The following RUFY3 variants were observed in gnomAD, a reference collection of about 807,000 sequenced individuals.
RUFY3 encodes the protein RUN and FYVE domain containing 3.
In RUFY3, 34 loss-of-function variants were observed where a neutral mutation model predicts 84.0. The ratio of observed to expected loss-of-function variants is 0.40; its 90% CI spans 0.31 to 0.54. The LOEUF (loss-of-function observed/expected upper bound fraction) is 0.54, where lower values mean the gene tolerates loss of function less well. Ranked by LOEUF, RUFY3 falls within the 20% of genes least tolerant of loss-of-function variation. The pLI is 0.39. For missense variants in RUFY3, 507 were observed against 736.8 expected (o/e 0.69, Z 3.61); for synonymous variants, 242 against 252.9 (o/e 0.96, Z 0.41).
chr4:70,797,208 G>A (rs1202000316), intron 14 of RUFY3, among the ~76,000 whole-genome samples: 2 of 152,174 alleles, frequency 1.3e-5, no homozygotes, highest in East Asian at 3.9e-4. Context: ...CTCCCAAAGT[G>A]CTAGGATGAC....
Position 70,804,394 on chromosome 4 carries a change from A to G in RUFY3, c.1697A>G (p.Gln566Arg). 6.2e-7 allele frequency: 1 copy of G among 1,614,086 alleles called. No homozygotes were observed. The highest frequency in any genetic ancestry group is 8.5e-7 in the Non-Finnish European group (1 of 1,179,970). Residue 566 changes from glutamine to arginine, a missense_variant, in exon 17 of 18, where the codon CAG becomes CGG. Physicochemically the swap from Gln to Arg is conservative, Grantham distance 43. Around this residue, in one of 4 missense-constraint regions of RUFY3, gnomAD observed 334 missense variants for 364.1 expected, o/e 0.92. Transcript: ENST00000381006. The stretch of plus-strand genomic sequence containing the variant: ...AAGCCACAGTTGTGTCAGCTATGCC[A>G]GGAAGACGGCAGCCTAACAAAGGTA... ...SEKPQLCQLC[Q>R]EDGSLTKNVC...
chr4:70,720,640 A>G (rs1169102343), upstream of RUFY3, among the ~76,000 whole-genome samples: 1 of 152,216 alleles, frequency 6.6e-6, no homozygotes, highest in Non-Finnish European at 1.5e-5. Context: ...GAAATTAGGT[A>G]AATCAAGATG....
chr4:70,718,969 C>A (rs1426357604), upstream of RUFY3, among the ~76,000 whole-genome samples: 1 of 152,216 alleles, frequency 6.6e-6, no homozygotes, highest in African/African-American at 2.4e-5. Context: ...CCTGCCTCAG[C>A]CTCCCACAGT....
chr4:70,792,349 G>A, intron 12 of RUFY3: 1 of 966,122 alleles, frequency 1.0e-6, no homozygotes. Flanking sequence ...TTCAGAATAG[G>A]AAGTAAATGA....
chr4:70,741,769 T>C, intron 1 of RUFY3: 1 of 1,013,774 alleles, frequency 9.9e-7, no homozygotes, highest in Middle Eastern at 2.1e-4. Flanking sequence ...TAAGAGGAAA[T>C]GTCAGCTTTA....
chr4:70,780,470 T>G (rs1453699350), intron 8 of RUFY3, among the ~76,000 whole-genome samples: 1 of 152,116 alleles, frequency 6.6e-6, no homozygotes, highest in African/African-American at 2.4e-5. Flanking sequence ...ATATTTGTAT[T>G]TTTATAGAAA....
At chr4:70,792,938 T>C in intron 12 of RUFY3, 1 of 985,274 alleles carries the variant, frequency 1.0e-6, no homozygotes, top group Non-Finnish European at 1.2e-6. Flanking sequence ...GGTTGCCTTT[T>C]CTACGAGCAT....
intron 1 of RUFY3, among the ~76,000 whole-genome samples, chr4:70,738,652 G>A (rs1027266561): frequency 1.1e-4 from 16 of 151,332 alleles, no homozygotes; most frequent in Admixed American, 6.6e-5. Flanking sequence ...GTGAGCCACC[G>A]TGCCCAGCCA....
Position 70,807,475 on chromosome 4 carries a change from A to T in RUFY3, c.*816A>T, listed in dbSNP as rs962949133. Reference sequence around the variant, plus strand: ...TTTAAAAATAGGGTTTGGCTTTTGCAAATAGAAGATATTGATTAAAGCAAA... The same window carrying T: ...TTTAAAAATAGGGTTTGGCTTTTGCTAATAGAAGATATTGATTAAAGCAAA... On this transcript the variant is annotated 3_prime_UTR_variant, in exon 18 of 18. Coordinates refer to ENST00000381006, the MANE Select transcript of RUFY3 (RefSeq NM_001037442.4). Among the ~76,000 whole-genome samples, 1 of 152,186 alleles carries T rather than the reference A, an allele frequency of 6.6e-6. No individual in the cohort carries two copies. Among genetic ancestry groups the T allele is most frequent in the Non-Finnish European group, 1.5e-5 (1 of 68,024 alleles).
chr4:70,800,885 T>TA (rs888986570), intron 15 of RUFY3, among the ~76,000 whole-genome samples: 29 of 148,958 alleles, frequency 1.9e-4, no homozygotes, highest in African/African-American at 3.2e-4. Flanking sequence ...CTGTCTCAAA[T>TA]AAAAAAAAAA....
In RUFY3 at chr4:70,771,021, T is replaced by C. The variant is rs139196656; in HGVS notation, c.696+2360T>C. 4.4e-3 allele frequency among the ~76,000 whole-genome samples: 674 copies of C among 152,144 alleles called. 9 individuals carry two copies. The highest frequency in any genetic ancestry group is 0.015 in the African/African-American group (642 of 41,494). On this transcript the variant is annotated intron_variant, in intron 5 of 17. Transcript: ENST00000381006. ...AGTAGAGCAGTGAGAACATACACAT[T>C]TATGGATTGCTTGCCATCTTATATG...
At chr4:70,780,985 C>T (rs1366016908) in intron 8 of RUFY3, among the ~76,000 whole-genome samples, 1 of 151,644 alleles carries the variant, frequency 6.6e-6, no homozygotes, top group Non-Finnish European at 1.5e-5. Flanking sequence ...CACAGTGGCT[C>T]ATGCCTGTAA....
chr4:70,753,753 T>A (rs1230764999), intron 1 of RUFY3, among the ~76,000 whole-genome samples: 1 of 152,224 alleles, frequency 6.6e-6, no homozygotes, highest in African/African-American at 2.4e-5. Context: ...TCCAGGTATA[T>A]TAATATGTCT....
chr4:70,786,132 A>C (rs544210104), intron 10 of RUFY3, among the ~76,000 whole-genome samples: 1 of 152,342 alleles, frequency 6.6e-6, no homozygotes, highest in Non-Finnish European at 1.5e-5. Context: ...CATTATGTGA[A>C]GTGTAGTAAG....
intron 1 of RUFY3, among the ~76,000 whole-genome samples, chr4:70,744,806 C>T (rs1721925006): frequency 1.3e-5 from 2 of 151,658 alleles, no homozygotes; most frequent in African/African-American, 4.8e-5. Context: ...AGGCACATGC[C>T]ACCACATCTG....
At chr4:70,793,082 A>G in intron 12 of RUFY3, 3 of 985,446 alleles carry the variant, frequency 3.0e-6, no homozygotes, top group Non-Finnish European at 3.6e-6. Flanking sequence ...AAGTTATAAG[A>G]TATGTAGAAG....
intron 1 of RUFY3, among the ~76,000 whole-genome samples, chr4:70,750,385 T>G (rs1722930854): frequency 6.6e-6 from 1 of 152,150 alleles, no homozygotes; most frequent in Admixed American, 6.6e-5. Context: ...AACAAAGTCT[T>G]ATAGTGTCTC....
At chr4:70,755,687 C>T (rs1482494733) in intron 1 of RUFY3, among the ~76,000 whole-genome samples, 1 of 152,208 alleles carries the variant, frequency 6.6e-6, no homozygotes, top group Non-Finnish European at 1.5e-5. Flanking sequence ...TACGGTGGCT[C>T]ATGCCTGTAA....
chr4:70,734,374 A>G lies in RUFY3; in HGVS notation c.178+11623A>G. On this transcript the variant is annotated intron_variant, in intron 1 of 17. Coordinates refer to ENST00000381006, the MANE Select transcript of RUFY3 (RefSeq NM_001037442.4). ...ATTGGCCCTTGGTGAGATTACAGAA[A>G]CATTTGTTGCCACCAGTGCAGTCAG... 3.0e-6 allele frequency: 3 copies of G among 985,226 alleles called. No individual in the cohort carries two copies. The South Asian group carries it at 1.4e-4, about 46-fold the overall frequency. 61.0% of individuals were successfully genotyped at this position (985,226 alleles called of 1,614,324 possible).
Sources: gnomAD v4.1 joint callset for allele counts (sites outside exome capture counted in the v4.1 genomes callset) on GRCh38, gnomAD v4.1.1 for gene constraint, gnomAD v4.1.1 regional missense constraint, MANE v1.5 for transcripts, NCBI Gene and HGNC (gene_info 2026-07-23, HGNC 2026-07-21) for gene names.